CAST: variants seen among roughly 807,000 people sequenced by gnomAD.
CAST encodes calpastatin, also known as MIR583 host.
A neutral mutation model predicts 119.6 loss-of-function variants in CAST; 76 were observed. The observed-to-expected ratio is 0.64, with a 90% CI of 0.53 to 0.77. The LOEUF is 0.77. Ranked by LOEUF, CAST falls within the 30% of genes least tolerant of loss-of-function variation. The pLI, the probability that CAST is intolerant of heterozygous loss-of-function variation, is 0.00. For synonymous variants in CAST, 319 were observed against 331.6 expected, an observed-to-expected ratio of 0.96 and a Z score of 0.41; for missense variants, 953 against 946.5, an observed-to-expected ratio of 1.01 and a Z score of -0.09.
chr5:96,771,813 A>C (rs1397918467), intron 31 of CAST, 111 bp downstream of exon 31: 3 of 641,522 alleles, frequency 4.7e-6, no homozygotes, highest in Non-Finnish European at 8.3e-6. Flanking sequence ...CTCACTTTAC[A>C]GTATTGGCAT....
At chr5:95,993,063 A>G in the CAST span, among the ~76,000 whole-genome samples, 2 of 152,196 alleles carry the variant, frequency 1.3e-5, no homozygotes, top group Non-Finnish European at 2.9e-5. Context: ...TGTTATCAGC[A>G]TAAAGATAGA....
chr5:96,684,031 G>A (rs879887585), intron 2 of CAST, among the ~76,000 whole-genome samples: 2 of 152,188 alleles, frequency 1.3e-5, no homozygotes, highest in African/African-American at 2.4e-5. Flanking sequence ...GGTTTCTATA[G>A]AAGCAGCATA....
the CAST span, among the ~76,000 whole-genome samples, chr5:96,487,763 T>C: frequency 1.3e-5 from 2 of 152,346 alleles, no homozygotes; most frequent in Admixed American, 6.5e-5. Context: ...TCCAAAATTT[T>C]ATTCTGGAGT....
chr5:96,551,822 G>A (rs946620965), intron 1 of CAST, among the ~76,000 whole-genome samples: 12 of 152,010 alleles, frequency 7.9e-5, no homozygotes, highest in African/African-American at 1.7e-4. Context: ...GGACAAAGAA[G>A]TCCATTACAT....
chr5:96,486,050 A>G, the CAST span, among the ~76,000 whole-genome samples: 1 of 152,154 alleles, frequency 6.6e-6, no homozygotes, highest in African/African-American at 2.4e-5. Context: ...AAAAAATACA[A>G]TTTGCCTTTA....
intron 1 of CAST, among the ~76,000 whole-genome samples, chr5:96,565,849 T>C (rs1181355301): frequency 6.6e-6 from 1 of 152,234 alleles, no homozygotes; most frequent in African/African-American, 2.4e-5. Flanking sequence ...ATATTCTCTC[T>C]TCCTTTTAGT....
the CAST span, among the ~76,000 whole-genome samples, chr5:96,309,442 C>T: frequency 1.6e-4 from 25 of 152,332 alleles, no homozygotes; most frequent in African/African-American, 5.1e-4. Flanking sequence ...GGCTTCAGCC[C>T]TCTTTCCAGG....
chr5:96,199,198 C>G, the CAST span, among the ~76,000 whole-genome samples: 3 of 152,086 alleles, frequency 2.0e-5, no homozygotes, highest in Non-Finnish European at 4.4e-5. Flanking sequence ...TGATTTCTCT[C>G]TCACAAGATA....
chr5:96,718,598 A>G (rs1162999937), intron 3 of CAST, among the ~76,000 whole-genome samples: 1 of 152,156 alleles, frequency 6.6e-6, no homozygotes, highest in Admixed American at 6.5e-5. Flanking sequence ...GGCTTCCGGA[A>G]GAAAACAAGT....
chr5:96,305,531 C>T, the CAST span, among the ~76,000 whole-genome samples: 2 of 152,106 alleles, frequency 1.3e-5, no homozygotes, highest in East Asian at 1.9e-4. Context: ...TGTCTTGTGC[C>T]GGTTTTCAAA....
the CAST span, among the ~76,000 whole-genome samples, chr5:96,195,080 T>C: frequency 1.3e-5 from 2 of 152,256 alleles, no homozygotes; most frequent in Non-Finnish European, 2.9e-5. Flanking sequence ...ATCCTTGTTA[T>C]GCCAGAGGGC....
chr5:96,219,302 G>C, the CAST span, among the ~76,000 whole-genome samples: 1,404 of 152,160 alleles, frequency 9.2e-3, 14 homozygotes, highest in African/African-American at 0.032. Flanking sequence ...ATGCATTCAG[G>C]AGCTGGCCTT....
At chr5:96,376,378 A>G in the CAST span, among the ~76,000 whole-genome samples, 1 of 152,320 alleles carries the variant, frequency 6.6e-6, no homozygotes, top group African/African-American at 2.4e-5. Context: ...TAATGATAAT[A>G]AACAACTATG....
At chr5:96,120,597 C>A in the CAST span, among the ~76,000 whole-genome samples, 3 of 150,574 alleles carry the variant, frequency 2.0e-5, no homozygotes, top group East Asian at 3.9e-4. Flanking sequence ...CCTTCCCCAT[C>A]ATCTCTTGCC....
At chr5:96,107,249 A>C in the CAST span, among the ~76,000 whole-genome samples, 5 of 151,752 alleles carry the variant, frequency 3.3e-5, no homozygotes, top group African/African-American at 1.2e-4. Flanking sequence ...GTTATGTGTG[A>C]ATTTAATCCT....
the CAST span, among the ~76,000 whole-genome samples, chr5:96,429,803 GA>G: frequency 2.0e-5 from 3 of 152,140 alleles, no homozygotes; most frequent in South Asian, 6.2e-4. Context: ...GTCTTAAGAT[GA>G]CCCTCAGAAT....
chr5:96,334,207 CATT>C, the CAST span, among the ~76,000 whole-genome samples: 2 of 152,148 alleles, frequency 1.3e-5, no homozygotes, highest in African/African-American at 4.8e-5. Context: ...CAGTAGCAGT[CATT>C]ATTGGAGGTT....
the CAST span, among the ~76,000 whole-genome samples, chr5:96,463,074 A>C: frequency 1.3e-5 from 2 of 152,116 alleles, no homozygotes; most frequent in East Asian, 1.9e-4. Flanking sequence ...ACGTGTATCT[A>C]AGATATTTAT....
chr5:96,640,282 A>G (rs1046224028), intron 1 of CAST, among the ~76,000 whole-genome samples: 1 of 152,192 alleles, frequency 6.6e-6, no homozygotes, highest in Admixed American at 6.5e-5. Flanking sequence ...AGATGAGGCC[A>G]GGGGAGGAAA....
Sources: gnomAD v4.1 joint callset for allele counts (sites outside exome capture counted in the v4.1 genomes callset) on GRCh38, gnomAD v4.1.1 for gene constraint, MANE v1.5 for transcripts, NCBI Gene and HGNC (gene_info 2026-07-23, HGNC 2026-07-21) for gene names.